PDZD8: variants seen among roughly 807,000 people sequenced by gnomAD.
PDZD8 encodes the protein PDZ domain containing 8.
PDZD8 carries 14 observed loss-of-function variants against 85.8 expected under a neutral mutation model. The ratio of observed to expected loss-of-function variants is 0.16; its 90% CI spans 0.11 to 0.26. The LOEUF is 0.26. PDZD8 is among the 10% of genes least tolerant of loss of function. The pLI, the probability that PDZD8 is intolerant of heterozygous loss-of-function variation, is 1.00. For synonymous variants in PDZD8, 592 were observed against 568.6 expected, an observed-to-expected ratio of 1.04 and a Z score of -0.59; for missense variants, 1,197 against 1,424.3, an observed-to-expected ratio of 0.84 and a Z score of 2.57.
At position 117,285,449 on chromosome 10, in the gene PDZD8, C is replaced by A; in HGVS notation, c.1284G>T (p.Leu428=). 6.9e-6 allele frequency: 11 copies of A among 1,603,964 alleles called. No homozygotes were observed. The highest frequency in any genetic ancestry group is 8.5e-6 in the Non-Finnish European group (10 of 1,172,798). ...AIGGVKITST[L]QVLKLIKQAG... ...CCTGCTTGATAAGCTTCAACACTTG[C>A]AGTGTTGATGTGATTTTCACACCTG... is the stretch of plus-strand genomic sequence containing the variant. The change falls in exon 5 of 5, where the codon CTG becomes CTT. Residue 428 remains leucine (L), a synonymous_variant. Transcript: ENST00000334464.
chr10:117,298,455 T>C (rs1843791909), intron 3 of PDZD8, among the ~76,000 whole-genome samples: 1 of 152,154 alleles, frequency 6.6e-6, no homozygotes, highest in Non-Finnish European at 1.5e-5. Context: ...ATGTGTTGAC[T>C]TCCTACTATT....
intron 1 of PDZD8, among the ~76,000 whole-genome samples, chr10:117,347,767 G>A (rs1391813056): frequency 2.0e-5 from 3 of 152,154 alleles, no homozygotes; most frequent in Non-Finnish European, 2.9e-5. Context: ...GGGAGAACCA[G>A]AAGGAGAGAA....
chr10:117,315,606 A>C (rs918636925), intron 3 of PDZD8, among the ~76,000 whole-genome samples: 5 of 151,072 alleles, frequency 3.3e-5, no homozygotes, highest in East Asian at 1.9e-4. Context: ...AAAAAAAAAA[A>C]AAAAAACAAT....
At chr10:117,313,056 T>C (rs1312649135) in intron 3 of PDZD8, among the ~76,000 whole-genome samples, 1 of 152,200 alleles carries the variant, frequency 6.6e-6, no homozygotes. Flanking sequence ...TGGATTTATT[T>C]CTTACATACT....
At chr10:117,291,558 G>C (rs1844765051) in intron 3 of PDZD8, among the ~76,000 whole-genome samples, 1 of 151,638 alleles carries the variant, frequency 6.6e-6, no homozygotes, top group Admixed American at 6.6e-5. Context: ...TCATGTGGTG[G>C]GGATGATGGG....
chr10:117,345,816 A>C (rs564835001), intron 1 of PDZD8, among the ~76,000 whole-genome samples: 1 of 152,362 alleles, frequency 6.6e-6, no homozygotes, highest in African/African-American at 2.4e-5. Context: ...GGAAGCCTTC[A>C]GGTAGTAGGC....
chr10:117,328,401 C>T (rs570842045), intron 2 of PDZD8, among the ~76,000 whole-genome samples: 12 of 126,498 alleles, frequency 9.5e-5, no homozygotes, highest in African/African-American at 3.4e-4. Flanking sequence ...CTTAAGATCT[C>T]TCTTTTTTTA....
rs1844606875 is a variant in PDZD8 at position 117,283,717 on chromosome 10, C to T, written c.3016G>A (p.Gly1006Ser). ...ATGAAAACACTGTCATCCAGACCAC[C>T]CTCTTTTCTCACTAACTTTATTCCT... ...STGIKLVRKE[G>S]GLDDSVFIAV... is the part of the protein sequence containing the mutation. The change falls in exon 5 of 5, where the codon GGT (glycine) becomes AGT (serine). Residue 1006 changes from glycine to serine, a missense_variant. This residue lies in a region of PDZD8 where 418 missense variants were observed against 571.1 expected (regional missense o/e 0.73). Transcript: ENST00000334464. 9 of 1,614,018 alleles carry T rather than the reference C, an allele frequency of 5.6e-6. No individual in the cohort carries two copies. Among genetic ancestry groups the T allele is most frequent in the Non-Finnish European group, 7.6e-6 (9 of 1,180,038 alleles).
rs1200918126 is a variant in PDZD8 at position 117,283,712 on chromosome 10, A to G, written c.3021T>C (p.Gly1007=). 1.2e-6 allele frequency: 2 copies of G among 1,614,174 alleles called. No individual in the cohort carries two copies. Among genetic ancestry groups the G allele is most frequent in the South Asian group, 2.2e-5 (2 of 91,082 alleles). Reference sequence around the variant, plus strand: ...CTGCAATGAAAACACTGTCATCCAGACCACCCTCTTTTCTCACTAACTTTA... The same window carrying G: ...CTGCAATGAAAACACTGTCATCCAGGCCACCCTCTTTTCTCACTAACTTTA... ...TGIKLVRKEG[G]LDDSVFIAVK... Residue 1007 remains glycine, a synonymous_variant, in exon 5 of 5, where the codon GGT becomes GGC. Transcript: ENST00000334464.
At chr10:117,285,589 TA>T in intron 4 of PDZD8, 118 bp from the exon 5 acceptor site, 1 of 1,145,726 alleles carries the variant, frequency 8.7e-7, no homozygotes, top group Non-Finnish European at 1.1e-6. Flanking sequence ...ATTTAACTAA[TA>T]GAAGAATAAT....
At chr10:117,327,162 G>A (rs1365151270) in intron 2 of PDZD8, among the ~76,000 whole-genome samples, 1 of 152,184 alleles carries the variant, frequency 6.6e-6, no homozygotes, top group African/African-American at 2.4e-5. Context: ...TGTAATCCAT[G>A]AATGGCATGT....
At chr10:117,322,830 A>G (rs988433710) in intron 2 of PDZD8, among the ~76,000 whole-genome samples, 4 of 152,206 alleles carry the variant, frequency 2.6e-5, no homozygotes, top group African/African-American at 9.7e-5. Context: ...GGAATGGGTC[A>G]GTTAACATAA....
At position 117,285,242 on chromosome 10, in the gene PDZD8, T is replaced by C; in HGVS notation, c.1491A>G (p.Glu497=). Reference sequence around the variant, plus strand: ...TGACATCACTTGCCAAGTCTTCAAATTCAGAATCCAGCTCTCTACTTTCAG... The same window carrying C: ...TGACATCACTTGCCAAGTCTTCAAACTCAGAATCCAGCTCTCTACTTTCAG... ...VDTESRELDS[E]FEDLASDVRA... The change falls in exon 5 of 5, where the codon GAA becomes GAG. Residue 497 remains glutamate, a synonymous_variant. Transcript: ENST00000334464. The C allele has an allele frequency of 6.2e-7, 1 of 1,614,222 alleles. No individual in the cohort carries two copies. The highest frequency in any genetic ancestry group is 1.1e-5 in the South Asian group (1 of 91,082).
intron 2 of PDZD8, among the ~76,000 whole-genome samples, chr10:117,334,675 C>T (rs972640954): frequency 1.1e-4 from 17 of 151,766 alleles, no homozygotes; most frequent in African/African-American, 4.1e-4. Context: ...GAAATATCAA[C>T]ATAGAAATGA....
Position 117,284,051 on chromosome 10 carries a change from A to C in PDZD8, c.2682T>G (p.Thr894=). The C allele has an allele frequency of 6.2e-7, 1 of 1,614,198 alleles. No homozygotes were observed. The highest frequency in any genetic ancestry group is 8.5e-7 in the Non-Finnish European group (1 of 1,180,040). The change falls in exon 5 of 5, where the codon ACT becomes ACG. Residue 894 remains threonine (T), a synonymous_variant. Coordinates refer to ENST00000334464, the MANE Select transcript of PDZD8 (RefSeq NM_173791.5). ...TCAGTGTCCTGTCTATTCGCCTATC[A>C]GTTGCTCCACAAACAGAAGTCTCAG... is the stretch of plus-strand genomic sequence containing the variant. The part of the protein sequence containing the change: ...CLAETSVCGA[T]DRRIDRTLKN...
intron 1 of PDZD8, among the ~76,000 whole-genome samples, chr10:117,349,762 C>T (rs1269860153): frequency 6.6e-6 from 1 of 152,046 alleles, no homozygotes; most frequent in Non-Finnish European, 1.5e-5. Flanking sequence ...GAGATCACAA[C>T]ACCGCACTTC....
intron 2 of PDZD8, among the ~76,000 whole-genome samples, chr10:117,325,357 T>C (rs944493503): frequency 6.6e-6 from 1 of 151,594 alleles, no homozygotes; most frequent in African/African-American, 2.4e-5. Context: ...TTTAAAAGTC[T>C]AAAAGACTTA....
intron 2 of PDZD8, among the ~76,000 whole-genome samples, chr10:117,336,498 G>A (rs568379169): frequency 1.8e-4 from 27 of 152,248 alleles, no homozygotes; most frequent in Non-Finnish European, 7.4e-5. Flanking sequence ...AGCTAGTCAT[G>A]GTGGAACATG....
intron 3 of PDZD8, among the ~76,000 whole-genome samples, chr10:117,297,097 A>G (rs1249929307): frequency 6.6e-6 from 1 of 152,128 alleles, no homozygotes; most frequent in East Asian, 1.9e-4. Flanking sequence ...AAAAAGCCCA[A>G]TAAAAAGTGG....
Sources: allele counts gnomAD v4.1 joint callset (sites outside exome capture counted in the v4.1 genomes callset), GRCh38; gene constraint gnomAD v4.1.1; regional missense constraint gnomAD v4.1.1; transcripts MANE v1.5; gene names NCBI Gene and HGNC (gene_info 2026-07-23, HGNC 2026-07-21).